RPS6KC1: variants seen among roughly 807,000 people sequenced by gnomAD.
The protein encoded by RPS6KC1 is inactive ribosomal protein S6 kinase delta-1.
A neutral mutation model predicts 103.8 loss-of-function variants in RPS6KC1; 54 were observed. The ratio of observed to expected loss-of-function variants is 0.52; its 90% CI spans 0.42 to 0.65. RPS6KC1 has a LOEUF of 0.65. RPS6KC1 is among the 30% of genes least tolerant of loss of function. The pLI, the probability that RPS6KC1 is intolerant of heterozygous loss-of-function variation, is 0.00. For synonymous variants in RPS6KC1, 439 were observed against 438.7 expected (o/e 1.00, Z -0.01); for missense variants, 1,151 against 1,253.8 (o/e 0.92, Z 1.24).
the RPS6KC1 span, among the ~76,000 whole-genome samples, chr1:213,358,561 T>C: frequency 1.3e-5 from 2 of 152,354 alleles, no homozygotes; most frequent in Admixed American, 1.3e-4. Flanking sequence ...TCTATCAATT[T>C]TGCTGACCTT....
At chr1:213,403,345 C>G in the RPS6KC1 span, among the ~76,000 whole-genome samples, 3 of 152,068 alleles carry the variant, frequency 2.0e-5, no homozygotes, top group South Asian at 6.2e-4. Flanking sequence ...TCCTGGCTCT[C>G]TCCCCGAGGG....
the RPS6KC1 span, among the ~76,000 whole-genome samples, chr1:213,839,268 A>G: frequency 1.6e-4 from 25 of 152,322 alleles, no homozygotes; most frequent in Non-Finnish European, 2.8e-4. Flanking sequence ...AGATGCACAG[A>G]GGTGTCAGTT....
chr1:213,838,124 A>G, the RPS6KC1 span, among the ~76,000 whole-genome samples: 1 of 152,206 alleles, frequency 6.6e-6, no homozygotes, highest in Non-Finnish European at 1.5e-5. Context: ...TGTAATTTTT[A>G]TCATGAAAAC....
rs769649294 is a variant in RPS6KC1 at position 213,241,242 on chromosome 1, C to A, written c.1766C>A (p.Ser589Tyr). Residue 589 changes from serine to tyrosine, a missense_variant, in exon 11 of 15, where the codon TCC (serine) becomes TAC (tyrosine). This residue lies in a region of RPS6KC1 where 959 missense variants were observed against 1,006.3 expected (regional missense o/e 0.95). Coordinates refer to ENST00000366960, the MANE Select transcript of RPS6KC1 (RefSeq NM_012424.6). ...GTTAGTTCTCCAAGAACATCAGATTCCCTCAGTAGATCAAAAAATAGCCCC... is the reference window on the plus strand; with the variant it reads ...GTTAGTTCTCCAAGAACATCAGATTACCTCAGTAGATCAAAAAATAGCCCC... ...EAVSSPRTSDSLSRSKNSPME... is the reference protein window; with the variant it reads ...EAVSSPRTSDYLSRSKNSPME... 21 of 1,613,702 alleles carry A rather than the reference C, an allele frequency of 1.3e-5. No individual in the cohort carries two copies. In the Admixed American group the frequency reaches 3.3e-4, roughly 26 times the overall value.
chr1:213,354,031 C>A, the RPS6KC1 span, among the ~76,000 whole-genome samples: 1 of 152,200 alleles, frequency 6.6e-6, no homozygotes, highest in Admixed American at 6.5e-5. Flanking sequence ...TCCATTAAGT[C>A]CTGGTGTGTC....
chr1:213,385,554 C>T, the RPS6KC1 span, among the ~76,000 whole-genome samples: 1 of 152,168 alleles, frequency 6.6e-6, no homozygotes, highest in South Asian at 2.1e-4. Flanking sequence ...TTGCATTTCT[C>T]CTCACTAGCT....
chr1:213,145,968 T>TG (rs2087733484), intron 6 of RPS6KC1, among the ~76,000 whole-genome samples: 1 of 25,970 alleles, frequency 3.9e-5, no homozygotes, highest in Non-Finnish European at 1.2e-4. Context: ...ATTCATTCTG[T>TG]TTTTTTTTTT....
At chr1:213,437,503 T>C in the RPS6KC1 span, among the ~76,000 whole-genome samples, 4 of 152,084 alleles carry the variant, frequency 2.6e-5, no homozygotes, top group East Asian at 5.8e-4. Flanking sequence ...ACCAAGGTTA[T>C]ACTGGTTTTA....
the RPS6KC1 span, among the ~76,000 whole-genome samples, chr1:213,507,748 T>A: frequency 4.8e-4 from 73 of 152,176 alleles, no homozygotes; most frequent in African/African-American, 1.7e-3. Context: ...TATGGATACA[T>A]ATGCTGAGTG....
intron 10 of RPS6KC1, among the ~76,000 whole-genome samples, chr1:213,235,062 A>G (rs901315163): frequency 6.6e-6 from 1 of 152,230 alleles, no homozygotes; most frequent in African/African-American, 2.4e-5. Context: ...GGCCTGTGTC[A>G]TAGAAAAGTA....
chr1:213,408,500 G>A, the RPS6KC1 span, among the ~76,000 whole-genome samples: 1 of 152,216 alleles, frequency 6.6e-6, no homozygotes, highest in East Asian at 1.9e-4. Context: ...GGTTACTCTT[G>A]AAAATTTGGA....
chr1:213,713,512 G>T, the RPS6KC1 span, among the ~76,000 whole-genome samples: 1 of 152,044 alleles, frequency 6.6e-6, no homozygotes, highest in African/African-American at 2.4e-5. Context: ...GTCATTCTTG[G>T]ATACTTGTTT....
the RPS6KC1 span, among the ~76,000 whole-genome samples, chr1:213,719,556 C>T: frequency 1.4e-5 from 2 of 138,406 alleles, no homozygotes; most frequent in African/African-American, 4.9e-5. Context: ...TTTCTTAGTT[C>T]GTTTTTTTTA....
At chr1:213,741,382 A>G in the RPS6KC1 span, among the ~76,000 whole-genome samples, 1 of 152,132 alleles carries the variant, frequency 6.6e-6, no homozygotes, top group Non-Finnish European at 1.5e-5. Flanking sequence ...TGGATCACTT[A>G]CTATAGAAGC....
At chr1:213,664,248 C>T in the RPS6KC1 span, among the ~76,000 whole-genome samples, 4 of 148,378 alleles carry the variant, frequency 2.7e-5, no homozygotes, top group East Asian at 4.0e-4. Context: ...GAGGGGGCAG[C>T]GGGAAGCAGG....
the RPS6KC1 span, among the ~76,000 whole-genome samples, chr1:213,602,020 C>CTTTTCT: frequency 4.2e-5 from 1 of 23,694 alleles, no homozygotes. Flanking sequence ...TCTTTTCTTT[C>CTTTTCT]TTTCTTTCTC....
At position 213,145,967 on chromosome 1, in the gene RPS6KC1, G is replaced by GTTTT. The variant is rs71573864; in HGVS notation, c.835+16102_835+16105dup. 2.2e-3 allele frequency among the ~76,000 whole-genome samples: 107 copies of GTTTT among 47,836 alleles called. 16 individuals are homozygous for GTTTT. The highest frequency in any genetic ancestry group is 8.8e-3 in the African/African-American group (90 of 10,204). The allele number at this position is 47,836 out of a possible 152,430, so 31.4% of individuals were successfully genotyped here. A position where few individuals can be genotyped will look rare whatever the true frequency, so the allele number is the denominator to read the frequency against. ...CAAATAGGTCTTATTCATTCATTCT[G>GTTTT]TTTTTTTTTTTTTTTTTTTTTTTTT... On this transcript the variant is annotated intron_variant, in intron 6 of 14. Coordinates refer to ENST00000366960, the MANE Select transcript of RPS6KC1 (RefSeq NM_012424.6).
the RPS6KC1 span, among the ~76,000 whole-genome samples, chr1:213,487,973 C>T: frequency 6.6e-6 from 1 of 152,162 alleles, no homozygotes; most frequent in African/African-American, 2.4e-5. Context: ...CTCCCCATTC[C>T]TTTGATTACA....
At chr1:213,724,248 C>A in the RPS6KC1 span, among the ~76,000 whole-genome samples, 1 of 152,020 alleles carries the variant, frequency 6.6e-6, no homozygotes, top group Non-Finnish European at 1.5e-5. Context: ...CCACTGCACC[C>A]GGCAAATTTT....
Sources: gnomAD v4.1 joint callset for allele counts (sites outside exome capture counted in the v4.1 genomes callset) on GRCh38, gnomAD v4.1.1 for gene constraint, gnomAD v4.1.1 regional missense constraint, MANE v1.5 for transcripts, NCBI Gene and HGNC (gene_info 2026-07-23, HGNC 2026-07-21) for gene names.